SEC24A: variants seen among roughly 807,000 people sequenced by gnomAD.
SEC24A encodes the protein SEC24 homolog A, COPII component, also known as protein transport protein Sec24A.
Under a neutral mutation model 129.4 loss-of-function variants are expected in SEC24A, and 93 were observed. The observed-to-expected ratio is 0.72, with a 90% CI of 0.61 to 0.85. SEC24A has a LOEUF of 0.85. Ranked by LOEUF, SEC24A falls within the 40% of genes least tolerant of loss-of-function variation. The pLI, the probability that SEC24A is intolerant of heterozygous loss-of-function variation, is 0.00. For synonymous variants in SEC24A, 460 were observed against 467.3 expected (o/e 0.98, Z 0.20); for missense variants, 1,264 against 1,307.4 (o/e 0.97, Z 0.51).
chr5:134,709,745 T>C (rs569516066), intron 18 of SEC24A, among the ~76,000 whole-genome samples: 2 of 152,320 alleles, frequency 1.3e-5, no homozygotes, highest in Admixed American at 6.5e-5. Flanking sequence ...TACTATATCA[T>C]AGCATCCCTT....
chr5:134,696,131 A>G (rs959486810), intron 13 of SEC24A, among the ~76,000 whole-genome samples: 3 of 145,646 alleles, frequency 2.1e-5, no homozygotes, highest in Non-Finnish European at 4.6e-5. Context: ...TTAGCTGGGC[A>G]TGGTGGTGCA....
In SEC24A at chr5:134,705,338, A is replaced by G; in HGVS notation, c.2452A>G (p.Ile818Val). The change falls in exon 17 of 23, where the codon ATT becomes GTT. Residue 818 changes from isoleucine to valine, a missense_variant. Coordinates refer to ENST00000398844, the MANE Select transcript of SEC24A (RefSeq NM_021982.3). The part of the protein sequence containing the change: ...LYTSSKGERR[I>V]RVHTLCLPVV... ...TATTTTCCCCAAAGGCGAAAGAAGA[A>G]TTCGTGTTCATACTTTGTGTTTGCC... is the stretch of plus-strand genomic sequence containing the variant. 2 of 1,612,942 alleles carry G rather than the reference A, an allele frequency of 1.2e-6. No individual in the cohort carries two copies. Among genetic ancestry groups the G allele is most frequent in the Non-Finnish European group, 1.7e-6 (2 of 1,179,270 alleles).
At chr5:134,689,632 GTACCTGTAGTCCCAGC>G (rs1339650866) in intron 11 of SEC24A, among the ~76,000 whole-genome samples, 2 of 152,010 alleles carry the variant, frequency 1.3e-5, no homozygotes, top group African/African-American at 4.8e-5. Flanking sequence ...GTGGTGGTGC[GTACCTGTAGTCCCAGC>G]TACTCGGGAG....
intron 11 of SEC24A, among the ~76,000 whole-genome samples, chr5:134,689,631 C>G (rs184901886): frequency 1.3e-5 from 2 of 151,942 alleles, no homozygotes; most frequent in African/African-American, 4.8e-5. Context: ...CGTGGTGGTG[C>G]GTACCTGTAG....
At chr5:134,697,619 G>C (rs904305629) in intron 14 of SEC24A, among the ~76,000 whole-genome samples, 3 of 152,058 alleles carry the variant, frequency 2.0e-5, no homozygotes, top group Non-Finnish European at 4.4e-5. Context: ...AGCCAGACAT[G>C]GTGGCGCACA....
intron 1 of SEC24A, among the ~76,000 whole-genome samples, chr5:134,651,982 G>C (rs1340404718): frequency 6.8e-6 from 1 of 146,446 alleles, no homozygotes. Context: ...GCCCAGGCTA[G>C]AGTGCAATGG....
chr5:134,671,842 T>G lies in SEC24A; in HGVS notation c.773T>G (p.Val258Gly). Residue 258 changes from valine to glycine, a missense_variant, in exon 4 of 23, where the codon GTG (valine) becomes GGG (glycine). Physicochemically the swap from Val to Gly is moderately radical, Grantham distance 109. Coordinates refer to ENST00000398844, the MANE Select transcript of SEC24A (RefSeq NM_021982.3). ...TCAAATACCAATAACGGATCTATGG[T>G]GGTCCACAGTAGTTACGACGAGATT... is the stretch of plus-strand genomic sequence containing the variant. Reference protein sequence around the residue: ...ITSNTNNGSMVVHSSYDEIEG... With the variant: ...ITSNTNNGSMGVHSSYDEIEG... 1 of 1,608,862 alleles carries G rather than the reference T, an allele frequency of 6.2e-7. No homozygotes were observed. Among genetic ancestry groups the G allele is most frequent in the Non-Finnish European group, 8.5e-7 (1 of 1,178,038 alleles).
At position 134,649,121 on chromosome 5, in the gene SEC24A, C is replaced by T. The variant is rs1321140809; in HGVS notation, c.45C>T (p.Ser15=). The change falls in exon 1 of 23, where the codon AGC becomes AGT. Residue 15 remains serine, a synonymous_variant. Transcript: ENST00000398844. The part of the protein sequence containing the change: ...GIPASGGAPA[S]LQAQNGAALA... ...CGGCCTCCGGCGGCGCCCCAGCCAG[C>T]CTCCAGGCCCAGAACGGAGCCGCCT... 2.5e-6 allele frequency: 4 copies of T among 1,610,212 alleles called. No individual in the cohort carries two copies. Among genetic ancestry groups the T allele is most frequent in the Non-Finnish European group, 1.7e-6 (2 of 1,178,372 alleles).
At chr5:134,702,589 G>A (rs1431035304) in intron 15 of SEC24A, among the ~76,000 whole-genome samples, 1 of 152,042 alleles carries the variant, frequency 6.6e-6, no homozygotes, top group African/African-American at 2.4e-5. Context: ...CATGGAAAAT[G>A]TATCTTATGG....
At chr5:134,685,984 A>T (rs1207097728) in intron 9 of SEC24A, among the ~76,000 whole-genome samples, 1 of 151,276 alleles carries the variant, frequency 6.6e-6, no homozygotes, top group Non-Finnish European at 1.5e-5. Context: ...GCGAGACTCC[A>T]TCTCAAAGTA....
chr5:134,679,050 G>A (rs958745365), intron 7 of SEC24A, among the ~76,000 whole-genome samples: 3 of 151,636 alleles, frequency 2.0e-5, no homozygotes, highest in African/African-American at 7.3e-5. Context: ...CAATATGAGT[G>A]TTTAATGAGG....
chr5:134,713,394 C>G (rs560134396), intron 18 of SEC24A, among the ~76,000 whole-genome samples: 4 of 152,222 alleles, frequency 2.6e-5, no homozygotes, highest in Non-Finnish European at 5.9e-5. Context: ...CCTAATCACC[C>G]TTACCTCCTG....
In SEC24A at chr5:134,692,926, G is replaced by A. The variant is rs1280917685; in HGVS notation, c.1779+269G>A. ...CACTTGAAGGAAATCTGTCTTGTCA[G>A]CCATTTGGGAAGTTGGGAGGGTTGC... On this transcript the variant is annotated intron_variant, in intron 12 of 22. Transcript: ENST00000398844. 3 of 904,848 alleles carry A rather than the reference G, an allele frequency of 3.3e-6. No individual in the cohort carries two copies. The African/African-American group carries it at 4.9e-5, about 15-fold the overall frequency. 56.1% of individuals were successfully genotyped at this position (904,848 alleles called of 1,614,324 possible). A position where few individuals can be genotyped will look rare whatever the true frequency, so the allele number is the denominator to read the frequency against.
chr5:134,649,344 C>T, intron 1 of SEC24A, 171 bp downstream of exon 1: 1 of 481,556 alleles, frequency 2.1e-6, no homozygotes, highest in Non-Finnish European at 3.7e-6. Flanking sequence ...ACCTGTAGCC[C>T]CAGGCTCGTC....
intron 1 of SEC24A, among the ~76,000 whole-genome samples, chr5:134,653,087 G>A (rs548988054): frequency 2.4e-4 from 37 of 151,644 alleles, no homozygotes; most frequent in African/African-American, 9.0e-4. Flanking sequence ...TTACAGTTAT[G>A]AGCCACTGTG....
At chr5:134,679,991 T>C (rs2150086408) in intron 8 of SEC24A, among the ~76,000 whole-genome samples, 1 of 152,284 alleles carries the variant, frequency 6.6e-6, no homozygotes, top group Admixed American at 6.5e-5. Flanking sequence ...ATAAGTGGTA[T>C]ATTTCATGGT....
intron 2 of SEC24A, among the ~76,000 whole-genome samples, chr5:134,662,165 A>G (rs570047935): frequency 6.7e-6 from 1 of 148,520 alleles, no homozygotes; most frequent in African/African-American, 2.5e-5. Context: ...TTATTTATTT[A>G]TTTTTTTGAG....
chr5:134,715,615 C>T (rs576113668), intron 19 of SEC24A: 1 of 157,936 alleles, frequency 6.3e-6, no homozygotes, highest in African/African-American at 2.4e-5. Context: ...CATGTTCTCA[C>T]TCATAAGTGG....
At chr5:134,697,022 A>C in intron 13 of SEC24A, 104 bp from the exon 14 acceptor site, 3 of 611,912 alleles carry the variant, frequency 4.9e-6, no homozygotes, top group Non-Finnish European at 8.1e-6. Context: ...GCCCAGAAAT[A>C]ATTGCAATTG....
Sources: gnomAD v4.1 joint callset for allele counts (sites outside exome capture counted in the v4.1 genomes callset) on GRCh38, gnomAD v4.1.1 for gene constraint, MANE v1.5 for transcripts, NCBI Gene and HGNC (gene_info 2026-07-23, HGNC 2026-07-21) for gene names.